VPS8: variants seen among roughly 807,000 people sequenced by gnomAD.
VPS8 encodes VPS8 subunit of CORVET complex.
In VPS8, 129 loss-of-function variants were observed where a neutral mutation model predicts 216.4. The observed-to-expected ratio is 0.60, with a 90% CI of 0.52 to 0.69. VPS8 has a LOEUF of 0.69. Ranked by LOEUF, VPS8 falls within the 30% of genes least tolerant of loss-of-function variation. The pLI is 0.00. For missense variants in VPS8, 1,531 were observed against 1,683.5 expected (o/e 0.91, Z 1.59); for synonymous variants, 571 against 565.4 (o/e 1.01, Z -0.14).
rs1396037165 is a variant in VPS8 at position 184,982,567 on chromosome 3, C to G, written c.3422C>G (p.Ala1141Gly). The G allele has an allele frequency of 1.9e-6, 3 of 1,610,664 alleles. No homozygotes were observed. The highest frequency in any genetic ancestry group is 2.5e-6 in the Non-Finnish European group (3 of 1,178,208). ...CTTTGATTTTCTCTGACATTATAGG[C>G]ACTTTGGTTTCCGTTATTGGAGGCA... ...SHNLNQQQRE[A>G]LWFPLLEAMM... The change falls in exon 41 of 48, where the codon GCA becomes GGA. Residue 1141 changes from alanine (A) to glycine (G), a missense_variant and splice_region_variant. Ala to Gly is a moderately conservative substitution (Grantham distance 60). This residue lies in a region of VPS8 where 1,318 missense variants were observed against 1,468.4 expected (regional missense o/e 0.90). Transcript: ENST00000625842.
intron 45 of VPS8, among the ~76,000 whole-genome samples, chr3:185,002,203 A>G (rs1753511613): frequency 6.6e-6 from 1 of 152,204 alleles, no homozygotes; most frequent in Non-Finnish European, 1.5e-5. Flanking sequence ...GGTAAGTGTA[A>G]TGTTAACTGT....
chr3:184,815,749 C>T (rs1716170976), intron 1 of VPS8: 1 of 149,980 alleles, frequency 6.7e-6, no homozygotes, highest in East Asian at 1.9e-4. Flanking sequence ...GGCAGTGGTG[C>T]TGGGGTGTTT....
intron 44 of VPS8, among the ~76,000 whole-genome samples, chr3:184,998,321 A>C (rs185847517): frequency 1.3e-5 from 2 of 152,218 alleles, no homozygotes; most frequent in African/African-American, 4.8e-5. Context: ...CTGTTGTAGT[A>C]GCCCATGTGA....
At chr3:185,039,070 G>A (rs79316966) in intron 46 of VPS8, among the ~76,000 whole-genome samples, 249 of 152,246 alleles carry the variant, frequency 1.6e-3, no homozygotes, top group African/African-American at 5.8e-3. Flanking sequence ...TGTGATCTTG[G>A]GATAAAGAGA....
intron 35 of VPS8, among the ~76,000 whole-genome samples, chr3:184,937,486 G>GA (rs1185428805): frequency 6.6e-6 from 1 of 152,176 alleles, no homozygotes; most frequent in African/African-American, 2.4e-5. Flanking sequence ...ACAGAAATAA[G>GA]AATACAACCT....
At chr3:184,990,763 G>GAA (rs1400446877) in intron 42 of VPS8, among the ~76,000 whole-genome samples, 1 of 152,022 alleles carries the variant, frequency 6.6e-6, no homozygotes, top group Middle Eastern at 3.2e-3. Flanking sequence ...GATCCCCACT[G>GAA]AAAAAAGTAG....
chr3:184,919,654 A>T (rs908289945), intron 28 of VPS8, among the ~76,000 whole-genome samples: 2 of 152,180 alleles, frequency 1.3e-5, no homozygotes, highest in Non-Finnish European at 2.9e-5. Context: ...AATAATTTTT[A>T]AAAATGCCTA....
chr3:184,922,168 T>G (rs765113878), intron 29 of VPS8, among the ~76,000 whole-genome samples: 1 of 152,242 alleles, frequency 6.6e-6, no homozygotes, highest in Admixed American at 6.5e-5. Context: ...TTTCACTGAC[T>G]GGCAAGTTCC....
chr3:184,923,473 G>C (rs1214339953), intron 29 of VPS8, among the ~76,000 whole-genome samples: 1 of 151,990 alleles, frequency 6.6e-6, no homozygotes, highest in African/African-American at 2.4e-5. Flanking sequence ...GACTCCTGCA[G>C]TCACTTGTAT....
intron 18 of VPS8, 48 bp from the exon 19 acceptor site, chr3:184,868,898 T>G (rs1195368538): frequency 6.5e-7 from 1 of 1,534,350 alleles, no homozygotes; most frequent in African/African-American, 1.4e-5. Context: ...TTCTGACTGG[T>G]GACTGGTCAG....
At chr3:184,845,855 GTC>G (rs1162368004) in intron 8 of VPS8, among the ~76,000 whole-genome samples, 2 of 151,006 alleles carry the variant, frequency 1.3e-5, no homozygotes, top group East Asian at 3.9e-4. Context: ...TGTCCATCAT[GTC>G]TCTCACCATC....
chr3:184,925,571 A>G (rs1054592294), intron 30 of VPS8, among the ~76,000 whole-genome samples: 1 of 152,122 alleles, frequency 6.6e-6, no homozygotes, highest in Non-Finnish European at 1.5e-5. Context: ...AAGCCTGGAG[A>G]GATTAAGTAA....
At chr3:184,897,474 C>T (rs1578138386) in intron 23 of VPS8, among the ~76,000 whole-genome samples, 1 of 151,986 alleles carries the variant, frequency 6.6e-6, no homozygotes, top group East Asian at 1.9e-4. Context: ...TCTGGTTGGC[C>T]ATTTTATTTT....
intron 2 of VPS8, among the ~76,000 whole-genome samples, 183 bp from the exon 3 acceptor site, chr3:184,825,980 C>T (rs920586358): frequency 2.6e-5 from 4 of 151,528 alleles, no homozygotes; most frequent in African/African-American, 4.9e-5. Flanking sequence ...GGTAACTGAA[C>T]GTGTAGATAG....
At chr3:184,925,310 T>G (rs1739389614) in intron 30 of VPS8, among the ~76,000 whole-genome samples, 1 of 152,268 alleles carries the variant, frequency 6.6e-6, no homozygotes, top group African/African-American at 2.4e-5. Context: ...GAGAAAAGAT[T>G]ACTTTTGTAC....
chr3:184,998,479 TTATA>T (rs10530534), intron 44 of VPS8, among the ~76,000 whole-genome samples: 6 of 135,016 alleles, frequency 4.4e-5, no homozygotes, highest in East Asian at 2.2e-4. Context: ...AAGAGGAAGT[TTATA>T]TATATATATA....
At chr3:184,964,690 T>C (rs1311503077) in intron 38 of VPS8, 133 bp downstream of exon 38, 8 of 445,108 alleles carry the variant, frequency 1.8e-5, no homozygotes, top group Non-Finnish European at 2.7e-5. Context: ...TTATCATGCA[T>C]AGCATTAACT....
intron 46 of VPS8, among the ~76,000 whole-genome samples, chr3:185,045,713 G>A (rs184352259): frequency 4.0e-4 from 60 of 149,164 alleles, no homozygotes; most frequent in African/African-American, 1.4e-3. Context: ...GTTTCAGTGA[G>A]CTGAGATCAC....
At chr3:184,894,655 A>G (rs764462851) in intron 22 of VPS8, 48 bp from the exon 23 acceptor site, 2 of 1,402,786 alleles carry the variant, frequency 1.4e-6, no homozygotes, top group South Asian at 2.5e-5. Flanking sequence ...AATTTAATGG[A>G]TATTTGGCAT....
Sources: allele counts gnomAD v4.1 joint callset (sites outside exome capture counted in the v4.1 genomes callset), GRCh38; gene constraint gnomAD v4.1.1; regional missense constraint gnomAD v4.1.1; transcripts MANE v1.5; gene names NCBI Gene and HGNC (gene_info 2026-07-23, HGNC 2026-07-21).